The following DNAH11 variants were observed in gnomAD, a reference collection of about 807,000 sequenced individuals.
DNAH11 encodes axonemal beta dynein heavy chain 11.
A neutral mutation model predicts 526.0 loss-of-function variants in DNAH11; 442 were observed. That is an observed-to-expected ratio of 0.84 (90% CI 0.78 to 0.91). DNAH11 has a LOEUF of 0.91. Among genes scored for constraint, DNAH11 ranks in the 40% least tolerant of loss-of-function variants. The pLI, the probability that DNAH11 is intolerant of heterozygous loss-of-function variation, is 0.00. For missense variants in DNAH11, 6,989 were observed against 5,448.7 expected, an observed-to-expected ratio of 1.28 and a Z score of -8.90; for synonymous variants, 2,461 against 1,935.9, an observed-to-expected ratio of 1.27 and a Z score of -7.12.
At chr7:21,857,061 A>G (rs985284718) in intron 68 of DNAH11, among the ~76,000 whole-genome samples, 2 of 152,212 alleles carry the variant, frequency 1.3e-5, no homozygotes, top group African/African-American at 4.8e-5. Flanking sequence ...GATTATGTAT[A>G]TAGAAAATCC....
At chr7:21,770,073 G>T (rs1053138888) in intron 55 of DNAH11, among the ~76,000 whole-genome samples, 4 of 152,162 alleles carry the variant, frequency 2.6e-5, no homozygotes, top group Non-Finnish European at 5.9e-5. Flanking sequence ...TTTAACACTT[G>T]TTGCTGCCCT....
chr7:21,901,108 A>G lies in DNAH11; in HGVS notation c.13405A>G (p.Arg4469Gly). The G allele has an allele frequency of 6.2e-7, 1 of 1,613,542 alleles. No homozygotes were observed. Among genetic ancestry groups the G allele is most frequent in the Non-Finnish European group, 8.5e-7 (1 of 1,179,548 alleles). Residue 4469 changes from arginine (R) to glycine (G), a missense_variant, in exon 82 of 82, where the codon AGA becomes GGA. Arg to Gly is a moderately radical substitution (Grantham distance 125). Coordinates refer to ENST00000409508, the MANE Select transcript of DNAH11 (RefSeq NM_001277115.2). ...CTTTGCAAAAGCCACCCCCGTGGAC[A>G]GACAAGAAACCAAACAGACCTACGA... ...VIFAKATPVD[R>G]QETKQTYECP... is the part of the protein sequence containing the mutation.
At chr7:21,807,349 A>C (rs1789308932) in intron 62 of DNAH11, among the ~76,000 whole-genome samples, 1 of 152,100 alleles carries the variant, frequency 6.6e-6, no homozygotes, top group Non-Finnish European at 1.5e-5. Context: ...AAATACAAAA[A>C]TTTGCCAGGC....
chr7:21,750,019 G>A (rs1417659308), intron 53 of DNAH11, among the ~76,000 whole-genome samples: 1 of 152,170 alleles, frequency 6.6e-6, no homozygotes, highest in African/African-American at 2.4e-5. Flanking sequence ...TTACACGTAC[G>A]GGTGTAGAGG....
chr7:21,614,753 C>G (rs1458905002), intron 20 of DNAH11, among the ~76,000 whole-genome samples: 1 of 152,024 alleles, frequency 6.6e-6, no homozygotes, highest in Non-Finnish European at 1.5e-5. Context: ...ATAATTCATT[C>G]TTACATGGAA....
intron 18 of DNAH11, among the ~76,000 whole-genome samples, chr7:21,605,912 A>G (rs1785262356): frequency 6.6e-6 from 1 of 152,244 alleles, no homozygotes; most frequent in African/African-American, 2.4e-5. Context: ...TGAACCCAGC[A>G]GTGCCAGTGA....
chr7:21,631,892 G>C (rs963770936), intron 25 of DNAH11, among the ~76,000 whole-genome samples: 2 of 152,214 alleles, frequency 1.3e-5, no homozygotes, highest in African/African-American at 4.8e-5. Flanking sequence ...GGGACTTTGT[G>C]TGGGGGCTCT....
At chr7:21,554,947 G>A (rs377505589) in intron 2 of DNAH11, among the ~76,000 whole-genome samples, 15 of 152,314 alleles carry the variant, frequency 9.8e-5, no homozygotes, top group Admixed American at 2.0e-4. Flanking sequence ...TGGTCTGCAG[G>A]TCTTTCTTCC....
chr7:21,699,638 G>T (rs1011744068), intron 36 of DNAH11, among the ~76,000 whole-genome samples: 1 of 151,982 alleles, frequency 6.6e-6, no homozygotes, highest in Non-Finnish European at 1.5e-5. Context: ...ATTTTTAACA[G>T]TTGTCTCTGG....
At chr7:21,600,618 A>G (rs1249668786) in intron 15 of DNAH11, 58 bp from the exon 16 acceptor site, 1 of 1,501,246 alleles carries the variant, frequency 6.7e-7, no homozygotes, top group Non-Finnish European at 8.9e-7. Flanking sequence ...TATGTTGTAG[A>G]TAATTGGTAA....
Position 21,683,925 on chromosome 7 carries a change from A to G in DNAH11, c.5602A>G (p.Ile1868Val). ...EYLGNSPRLV[I>V]TPLTDRCYIT... ...CTTAGGAAACAGCCCTCGACTAGTG[A>G]TCACTCCTCTAACTGACAGGTAACA... The change falls in exon 32 of 82, where the codon ATC becomes GTC. Residue 1868 changes from isoleucine to valine, a missense_variant. By Grantham distance (29) the Ile-to-Val change is conservative. Coordinates refer to ENST00000409508, the MANE Select transcript of DNAH11 (RefSeq NM_001277115.2). 6.2e-7 allele frequency: 1 copy of G among 1,613,526 alleles called. No homozygotes were observed. Among genetic ancestry groups the G allele is most frequent in the Non-Finnish European group, 8.5e-7 (1 of 1,179,596 alleles).
At chr7:21,761,461 A>G (rs1786904383) in intron 54 of DNAH11, among the ~76,000 whole-genome samples, 1 of 152,208 alleles carries the variant, frequency 6.6e-6, no homozygotes, top group African/African-American at 2.4e-5. Context: ...ACGCGTATTT[A>G]ACAAACTGCA....
At chr7:21,694,660 A>G (rs954226434) in intron 35 of DNAH11, among the ~76,000 whole-genome samples, 3 of 152,184 alleles carry the variant, frequency 2.0e-5, no homozygotes, top group African/African-American at 7.2e-5. Flanking sequence ...CATTAAACAT[A>G]CATGTGTATA....
intron 6 of DNAH11, among the ~76,000 whole-genome samples, chr7:21,568,527 C>T (rs746332427): frequency 7.2e-5 from 11 of 152,128 alleles, no homozygotes; most frequent in Non-Finnish European, 7.3e-5. Context: ...TTCCTTCACA[C>T]GTTCTGCCTC....
chr7:21,585,330 A>G (rs1784445491), intron 9 of DNAH11, among the ~76,000 whole-genome samples: 2 of 152,194 alleles, frequency 1.3e-5, no homozygotes, highest in Admixed American at 6.6e-5. Context: ...TGCAAGTGTA[A>G]TGGCAGAGGA....
At chr7:21,625,318 A>G (rs1481641040) in intron 25 of DNAH11, among the ~76,000 whole-genome samples, 2 of 152,126 alleles carry the variant, frequency 1.3e-5, no homozygotes, top group Admixed American at 1.3e-4. Flanking sequence ...TGTTCATAGT[A>G]GTCTCTTATG....
chr7:21,698,952 AT>A (rs1014612391), intron 36 of DNAH11, among the ~76,000 whole-genome samples: 46 of 152,010 alleles, frequency 3.0e-4, no homozygotes, highest in African/African-American at 8.7e-4. Context: ...TATAATTTTT[AT>A]TTTTTTCTGA....
chr7:21,766,882 TGGAAGATATATATATGGTAGAGG>T (rs1787206714), intron 55 of DNAH11, among the ~76,000 whole-genome samples: 2 of 152,286 alleles, frequency 1.3e-5, no homozygotes, highest in East Asian at 3.9e-4. Context: ...ACATCTAACT[TGGAAGATATATATATGGTAGAGG>T]CCTTAGGATA....
At chr7:21,849,409 T>G (rs1047826359) in intron 66 of DNAH11, among the ~76,000 whole-genome samples, 1 of 152,240 alleles carries the variant, frequency 6.6e-6, no homozygotes, top group Non-Finnish European at 1.5e-5. Context: ...TCTCTAGTAC[T>G]CTTTCATTCT....
Sources: gnomAD v4.1 joint callset for allele counts (sites outside exome capture counted in the v4.1 genomes callset) on GRCh38, gnomAD v4.1.1 for gene constraint, MANE v1.5 for transcripts, NCBI Gene and HGNC (gene_info 2026-07-23, HGNC 2026-07-21) for gene names.